Variants in GLIS3 observed in about 807,000 individuals in gnomAD.
GLIS3 encodes zinc finger protein GLIS3.
GLIS3 carries 53 observed loss-of-function variants against 78.6 expected under a neutral mutation model. That is an observed-to-expected ratio of 0.67 (90% confidence interval 0.54 to 0.85). The LOEUF (loss-of-function observed/expected upper bound fraction) is 0.85, where lower values mean the gene tolerates loss of function less well. Among genes scored for constraint, GLIS3 ranks in the 40% least tolerant of loss-of-function variants. The probability of loss-of-function intolerance (pLI) is 0.00; values close to 1 mark genes in which losing one functional copy is unlikely to be tolerated. For missense variants in GLIS3, 1,703 were observed against 1,231.1 expected (o/e 1.38, Z -5.74); for synonymous variants, 684 against 509.9 (o/e 1.34, Z -4.60).
At chr9:4,222,292 C>CTATT (rs1821397220) in intron 2 of GLIS3, among the ~76,000 whole-genome samples, 1 of 152,186 alleles carries the variant, frequency 6.6e-6, no homozygotes, top group Non-Finnish European at 1.5e-5. Context: ...AAACAAAATA[C>CTATT]TATTCTCTCT....
chr9:4,100,405 T>C (rs115951495), intron 4 of GLIS3, among the ~76,000 whole-genome samples: 461 of 152,146 alleles, frequency 3.0e-3, no homozygotes, highest in African/African-American at 0.011. Context: ...TACAACAACA[T>C]AGGATAAAAG....
intron 2 of GLIS3, among the ~76,000 whole-genome samples, chr9:4,170,545 T>C (rs1013045721): frequency 6.6e-6 from 1 of 152,132 alleles, no homozygotes; most frequent in Admixed American, 6.6e-5. Context: ...GGAGCACACT[T>C]CAATCTTGTT....
intron 4 of GLIS3, among the ~76,000 whole-genome samples, chr9:4,030,689 T>C (rs1332237611): frequency 6.6e-6 from 1 of 152,222 alleles, no homozygotes; most frequent in African/African-American, 2.4e-5. Flanking sequence ...AATGTCTGTT[T>C]CCCAGCGTGT....
At chr9:4,349,557 A>G (rs1207370811), upstream of GLIS3, among the ~76,000 whole-genome samples, 1 of 152,210 alleles carries the variant, frequency 6.6e-6, no homozygotes, top group African/African-American at 2.4e-5. Flanking sequence ...CAAAAAGGAA[A>G]AAAATACCTA....
intron 4 of GLIS3, among the ~76,000 whole-genome samples, chr9:4,031,442 A>C (rs1823823993): frequency 6.6e-6 from 1 of 152,236 alleles, no homozygotes. Flanking sequence ...ATGCAAGTAC[A>C]TAGAGACAAA....
intron 8 of GLIS3, among the ~76,000 whole-genome samples, chr9:3,859,967 T>G (rs1820074239): frequency 6.6e-6 from 1 of 152,114 alleles, no homozygotes; most frequent in Non-Finnish European, 1.5e-5. Flanking sequence ...GAACAGATTT[T>G]AAAACCTCAT....
In GLIS3 at chr9:4,102,104, T is replaced by C. The variant is rs143287314; in HGVS notation, c.1710+15664A>G. Among the ~76,000 whole-genome samples the C allele has an allele frequency of 1.8e-3, 278 of 152,322 alleles. 2 individuals carry two copies. Among genetic ancestry groups the C allele is most frequent in the African/African-American group, 6.3e-3 (264 of 41,578 alleles). On this transcript the variant is annotated intron_variant, in intron 4 of 10. Transcript: ENST00000381971. The stretch of plus-strand genomic sequence containing the variant: ...TGCACTATTTCTGCCCCAGGGTTTC[T>C]CCACCAGAAGAAGATAAATTCTAGA...
the GLIS3 span, among the ~76,000 whole-genome samples, chr9:4,407,554 G>C: frequency 6.6e-6 from 1 of 152,238 alleles, no homozygotes; most frequent in Non-Finnish European, 1.5e-5. Context: ...GGCTGAGGCA[G>C]GAGAATGGCG....
intron 4 of GLIS3, among the ~76,000 whole-genome samples, chr9:4,024,271 T>C (rs910866463): frequency 1.3e-5 from 2 of 152,204 alleles, no homozygotes; most frequent in African/African-American, 2.4e-5. Context: ...TTATCCAAAG[T>C]GCTGTGTTTC....
chr9:4,444,545 G>T, the GLIS3 span, among the ~76,000 whole-genome samples: 1 of 152,088 alleles, frequency 6.6e-6, no homozygotes, highest in African/African-American at 2.4e-5. Flanking sequence ...CTTCAAACTC[G>T]CCCACATATG....
At chr9:4,051,921 T>C (rs6476800) in intron 4 of GLIS3, among the ~76,000 whole-genome samples, 98,670 of 152,102 alleles carry the variant, frequency 0.65, 32,748 homozygotes, top group East Asian at 0.94. Context: ...TACATACATG[T>C]CGAATGTCTA....
At chr9:3,938,784 C>G (rs189870000) in intron 4 of GLIS3, among the ~76,000 whole-genome samples, 63 of 152,254 alleles carry the variant, frequency 4.1e-4, no homozygotes, top group Admixed American at 2.7e-3. Context: ...AAGCCAACTA[C>G]TTTTTCAGCA....
intron 4 of GLIS3, among the ~76,000 whole-genome samples, chr9:3,984,776 C>T (rs913296405): frequency 6.6e-6 from 1 of 152,102 alleles, no homozygotes; most frequent in African/African-American, 2.4e-5. Context: ...TCCCATAATT[C>T]CCACATGTTT....
chr9:4,198,077 A>C (rs7341838), intron 2 of GLIS3, among the ~76,000 whole-genome samples: 21,539 of 152,240 alleles, frequency 0.14, 2,073 homozygotes, highest in African/African-American at 0.27. Context: ...CAGTGCAGGA[A>C]TTCTAGCACC....
chr9:4,313,585 G>C (rs1182019521), intron 2 of GLIS3, among the ~76,000 whole-genome samples: 4 of 152,154 alleles, frequency 2.6e-5, no homozygotes, highest in African/African-American at 9.7e-5. Context: ...GTGACTCCTT[G>C]ATCTTGGACC....
chr9:3,937,044 C>T lies in GLIS3; in HGVS notation c.1856G>A (p.Arg619Gln), dbSNP rs767371530. 2.5e-6 allele frequency: 4 copies of T among 1,612,954 alleles called. No homozygotes were observed. Among genetic ancestry groups the T allele is most frequent in the East Asian group, 2.2e-5 (1 of 44,876 alleles). ...CATTCTTACGGTGTCCAGATGCGTC[C>T]GCTGGTGTTTGGCGCGGTCACTGGA... ...SNSSDRAKHQ[R>Q]THLDTKPYAC... is the part of the protein sequence containing the mutation. The change falls in exon 5 of 11, where the codon CGG becomes CAG. Residue 619 changes from arginine (R) to glutamine (Q), a missense_variant. Arg to Gln is a conservative substitution (Grantham distance 43). Transcript: ENST00000381971.
At chr9:4,373,815 G>A in the GLIS3 span, among the ~76,000 whole-genome samples, 18 of 151,872 alleles carry the variant, frequency 1.2e-4, no homozygotes, top group African/African-American at 4.1e-4. Flanking sequence ...TTACAGATGC[G>A]CACAACCACG....
At chr9:4,285,766 A>G (rs941042678) in intron 2 of GLIS3, 1 of 462,032 alleles carries the variant, frequency 2.2e-6, no homozygotes, top group Non-Finnish European at 4.0e-6. Flanking sequence ...ACAACCACTC[A>G]GCCTGCCTCC....
intron 4 of GLIS3, among the ~76,000 whole-genome samples, chr9:4,089,053 C>G (rs557672409): frequency 6.6e-6 from 1 of 152,358 alleles, no homozygotes; most frequent in Admixed American, 6.5e-5. Context: ...CAGCAACTTG[C>G]TTTAAAACAA....
Sources: gnomAD v4.1 joint callset for allele counts (sites outside exome capture counted in the v4.1 genomes callset) on GRCh38, gnomAD v4.1.1 for gene constraint, MANE v1.5 for transcripts, NCBI Gene and HGNC (gene_info 2026-07-23, HGNC 2026-07-21) for gene names.